CGAS: variants seen among roughly 807,000 people sequenced by gnomAD.
The protein encoded by CGAS is cyclic GMP-AMP synthase.
A neutral mutation model predicts 34.0 loss-of-function variants in CGAS; 31 were observed. The observed-to-expected ratio is 0.91, with a 90% confidence interval of 0.69 to 1.23. CGAS has a LOEUF of 1.23. Ranked by LOEUF, CGAS falls within the 50% of genes most tolerant of loss-of-function variation. The probability of loss-of-function intolerance (pLI) is 0.00; values close to 1 mark genes in which losing one functional copy is unlikely to be tolerated. For synonymous variants in CGAS, 266 were observed against 260.0 expected, an observed-to-expected ratio of 1.02 and a Z score of -0.22; for missense variants, 597 against 657.6, an observed-to-expected ratio of 0.91 and a Z score of 1.01.
Position 73,424,880 on chromosome 6 carries a change from G to A in CGAS, c.*347C>T, listed in dbSNP as rs1473222354. On this transcript the variant is annotated 3_prime_UTR_variant, in exon 5 of 5. Coordinates refer to ENST00000370315, the MANE Select transcript of CGAS (RefSeq NM_138441.3). ...TTATTTATTTATTTTTTGAGAGGAA[G>A]TCTTGCTCTGTCACCCAGGATGGAG... 1 of 152,662 alleles carries A rather than the reference G, an allele frequency of 6.6e-6. No individual in the cohort carries two copies. The highest frequency in any genetic ancestry group is 6.6e-5 in the Admixed American group (1 of 15,264). 9.5% of individuals were successfully genotyped at this position (152,662 alleles called of 1,614,324 possible).
chr6:73,429,662 C>T (rs76650266), intron 3 of CGAS, among the ~76,000 whole-genome samples: 76,757 of 151,214 alleles, frequency 0.51, 21,530 homozygotes, highest in Non-Finnish European at 0.65. Flanking sequence ...CTGCCTCTAC[C>T]AAAAATACAA....
At chr6:73,429,597 T>G (rs9343043) in intron 3 of CGAS, among the ~76,000 whole-genome samples, 1 of 151,722 alleles carries the variant, frequency 6.6e-6, no homozygotes, top group Non-Finnish European at 1.5e-5. Context: ...GAGGCCAAGG[T>G]GGGCGGATCA....
chr6:73,451,909 C>G lies in CGAS; in HGVS notation c.273G>C (p.Thr91=). ...GGGCGCTGGTGGCGTCAGACGGCTG[C>G]GTGTCCTGGGCGCGCTGAGGGGCCT... ...AKKAPQRAQD[T]QPSDATSAPG... The change falls in exon 1 of 5, where the codon ACG becomes ACC. Residue 91 remains threonine, a synonymous_variant. Transcript: ENST00000370315. 3 of 1,523,150 alleles carry G rather than the reference C, an allele frequency of 2.0e-6. No individual in the cohort carries two copies. The highest frequency in any genetic ancestry group is 3.8e-4 in the Middle Eastern group (2 of 5,242). The allele number at this position is 1,523,150 out of a possible 1,614,324, so 94.4% of individuals were successfully genotyped here.
chr6:73,427,391 C>G (rs1477178170), intron 4 of CGAS, among the ~76,000 whole-genome samples: 1 of 151,816 alleles, frequency 6.6e-6, no homozygotes, highest in Non-Finnish European at 1.5e-5. Context: ...CCTCTGTCTC[C>G]CGGGTTCAGG....
intron 3 of CGAS, among the ~76,000 whole-genome samples, chr6:73,436,841 T>C (rs1770288721): frequency 6.6e-6 from 1 of 152,092 alleles, no homozygotes; most frequent in South Asian, 2.1e-4. Context: ...AGAGAGAATA[T>C]ATTTACTTAC....
intron 1 of CGAS, among the ~76,000 whole-genome samples, chr6:73,446,628 T>C (rs1199959538): frequency 5.7e-5 from 2 of 35,006 alleles, no homozygotes; most frequent in African/African-American, 2.6e-4. Context: ...CTCGGGAGGC[T>C]GAGGCAGGAG....
Position 73,452,215 on chromosome 6 carries a change from C to A in CGAS, c.-34G>T. The A allele has an allele frequency of 6.4e-7, 1 of 1,568,026 alleles. No homozygotes were observed. On this transcript the variant is annotated 5_prime_UTR_variant, in exon 1 of 5. Coordinates refer to ENST00000370315, the MANE Select transcript of CGAS (RefSeq NM_138441.3). ...CTTTCTGTTCCCCGAAAGAAGAATC[C>A]GTTTCAGGAAAAGGCCGCAAGAGGA...
chr6:73,426,709 A>G lies in CGAS; in HGVS notation c.1218-1131T>C, dbSNP rs114130336. Reference sequence around the variant, plus strand: ...TAATATAAATTTTTTCTTTTCTAAAATCCACTGATTGTATCACAGAATTAT... The same window carrying G: ...TAATATAAATTTTTTCTTTTCTAAAGTCCACTGATTGTATCACAGAATTAT... On this transcript the variant is annotated intron_variant, in intron 4 of 4. Transcript: ENST00000370315. Among the ~76,000 whole-genome samples, 1,425 of 152,138 alleles carry G rather than the reference A, an allele frequency of 9.4e-3. 21 individuals are homozygous for G. The highest frequency in any genetic ancestry group is 0.033 in the African/African-American group (1,357 of 41,526).
chr6:73,452,154 G>A lies in CGAS; in HGVS notation c.28C>T (p.Gln10Ter). 6.2e-7 allele frequency: 1 copy of A among 1,608,330 alleles called. No homozygotes were observed. The highest frequency in any genetic ancestry group is 8.5e-7 in the Non-Finnish European group (1 of 1,177,960). The part of the protein sequence containing the change: MQPWHGKAM[Q>*]RASEAGATAP... Reference sequence around the variant, plus strand: ...GTGGCTCCGGCCTCGGAAGCTCTCTGCATGGCCTTTCCGTGCCAAGGCTGC... The same window carrying A: ...GTGGCTCCGGCCTCGGAAGCTCTCTACATGGCCTTTCCGTGCCAAGGCTGC... Residue 10 changes from glutamine to a stop codon, truncating the protein, a stop_gained, in exon 1 of 5, where the codon CAG becomes TAG. Coordinates refer to ENST00000370315, the MANE Select transcript of CGAS (RefSeq NM_138441.3). LOFTEE classifies it high-confidence loss of function.
chr6:73,428,826 G>T lies in CGAS; in HGVS notation c.1115-15C>A. The T allele has an allele frequency of 6.3e-7, 1 of 1,595,140 alleles. No homozygotes were observed. The highest frequency in any genetic ancestry group is 8.5e-7 in the Non-Finnish European group (1 of 1,173,130). On this transcript the variant is annotated splice_polypyrimidine_tract_variant and intron_variant, in intron 3 of 4. Coordinates refer to ENST00000370315, the MANE Select transcript of CGAS (RefSeq NM_138441.3). ...CCATGTTTCTTCTTAATTTCAAAAA[G>T]AAAAACAAAAAAGCACTTTACCCAA...
chr6:73,451,357 G>A (rs907729613), intron 1 of CGAS, among the ~76,000 whole-genome samples, 168 bp downstream of exon 1: 2 of 151,944 alleles, frequency 1.3e-5, no homozygotes, highest in Non-Finnish European at 2.9e-5. Context: ...ATGTGTAGAT[G>A]AATAAACGAA....
intron 3 of CGAS, among the ~76,000 whole-genome samples, chr6:73,429,913 A>T (rs1367101213): frequency 6.6e-6 from 1 of 152,144 alleles, no homozygotes; most frequent in African/African-American, 2.4e-5. Context: ...TATACTAGCA[A>T]AGTATAAGTA....
Position 73,440,233 on chromosome 6 carries a change from C to T in CGAS, c.1090G>A (p.Ala364Thr), listed in dbSNP as rs1287076884. Residue 364 changes from alanine to threonine, a missense_variant, in exon 3 of 5, where the codon GCA becomes ACA. By Grantham distance (58) the Ala-to-Thr change is moderately conservative. This residue lies in a region of CGAS where 271 missense variants were observed against 324.1 expected (regional missense o/e 0.84). Coordinates refer to ENST00000370315, the MANE Select transcript of CGAS (RefSeq NM_138441.3). ...CCTTGGAAACCATTTCCTTCCTTTG[C>T]ATGCTTGGGTACAAGGTAAAATGGC... The part of the protein sequence containing the change: ...LKPFYLVPKH[A>T]KEGNGFQEET... The T allele has an allele frequency of 6.2e-7, 1 of 1,612,212 alleles. No individual in the cohort carries two copies. The highest frequency in any genetic ancestry group is 8.5e-7 in the Non-Finnish European group (1 of 1,179,186).
chr6:73,438,516 T>A (rs1379604642), intron 3 of CGAS, among the ~76,000 whole-genome samples: 1 of 152,020 alleles, frequency 6.6e-6, no homozygotes, highest in African/African-American at 2.4e-5. Context: ...GCCAACATAA[T>A]GAAACCCTGT....
At chr6:73,429,175 A>G (rs1302928554) in intron 3 of CGAS, among the ~76,000 whole-genome samples, 4 of 151,512 alleles carry the variant, frequency 2.6e-5, no homozygotes, top group Non-Finnish European at 5.9e-5. Flanking sequence ...GGGCAACAAG[A>G]GCAAAACTCC....
At position 73,445,533 on chromosome 6, in the gene CGAS, A is replaced by T; in HGVS notation, c.872T>A (p.Ile291Asn). Reference sequence around the variant, plus strand: ...TCAAAAGGCAAAAGTCTTACCTTTAATGTCGTTAATTTCTTCCTTAATGAT... The same window carrying T: ...TCAAAAGGCAAAAGTCTTACCTTTATTGTCGTTAATTTCTTCCTTAATGAT... Reference protein sequence around the residue: ...RKIIKEEINDIKDTDVIMKRK... With the variant: ...RKIIKEEINDNKDTDVIMKRK... The change falls in exon 2 of 5, where the codon ATT becomes AAT. Residue 291 changes from isoleucine to asparagine, a missense_variant. By Grantham distance (149) the Ile-to-Asn change is moderately radical. Transcript: ENST00000370315. 6.3e-7 allele frequency: 1 copy of T among 1,598,688 alleles called. No individual in the cohort carries two copies. The highest frequency in any genetic ancestry group is 8.5e-7 in the Non-Finnish European group (1 of 1,173,546).
At chr6:73,434,114 T>C (rs191186882) in intron 3 of CGAS, among the ~76,000 whole-genome samples, 22 of 152,276 alleles carry the variant, frequency 1.4e-4, no homozygotes, top group Non-Finnish European at 2.1e-4. Context: ...GGTACAAAGA[T>C]AGACAAAGAT....
At chr6:73,450,101 G>GAAGAT (rs1770538116) in intron 1 of CGAS, among the ~76,000 whole-genome samples, 1 of 150,764 alleles carries the variant, frequency 6.6e-6, no homozygotes, top group African/African-American at 2.4e-5. Flanking sequence ...GAGATAGAGA[G>GAAGAT]AAGAGAAGAG....
At chr6:73,444,390 C>A (rs936353535) in intron 2 of CGAS, among the ~76,000 whole-genome samples, 3 of 151,932 alleles carry the variant, frequency 2.0e-5, no homozygotes, top group African/African-American at 7.3e-5. Flanking sequence ...CTTACTGCAA[C>A]CTCTGCCTCC....
Sources: gnomAD v4.1 joint callset for allele counts (sites outside exome capture counted in the v4.1 genomes callset) on GRCh38, gnomAD v4.1.1 for gene constraint, gnomAD v4.1.1 regional missense constraint, MANE v1.5 for transcripts, NCBI Gene and HGNC (gene_info 2026-07-23, HGNC 2026-07-21) for gene names.